The following ADCY2 variants were observed in gnomAD, a reference collection of about 807,000 sequenced individuals.
ADCY2 encodes adenylate cyclase type 2.
In ADCY2, 31 loss-of-function variants were observed where a neutral mutation model predicts 125.2. The observed-to-expected ratio is 0.25, with a 90% confidence interval of 0.19 to 0.33. The LOEUF (loss-of-function observed/expected upper bound fraction) is 0.33. Ranked by LOEUF, ADCY2 falls within the 10% of genes least tolerant of loss-of-function variation. The pLI, the probability that ADCY2 is intolerant of heterozygous loss-of-function variation, is 1.00. For missense variants in ADCY2, 904 were observed against 1,418.2 expected, an observed-to-expected ratio of 0.64 and a Z score of 5.82; for synonymous variants, 512 against 548.4, an observed-to-expected ratio of 0.93 and a Z score of 0.93.
At chr5:7,781,677 A>T (rs190708102) in intron 18 of ADCY2, among the ~76,000 whole-genome samples, 1 of 152,342 alleles carries the variant, frequency 6.6e-6, no homozygotes, top group East Asian at 1.9e-4. Context: ...TGTTATTTTA[A>T]GTCACCTAGT....
intron 4 of ADCY2, among the ~76,000 whole-genome samples, chr5:7,631,921 C>T (rs151046178): frequency 2.6e-5 from 4 of 152,252 alleles, no homozygotes; most frequent in East Asian, 1.9e-4. Flanking sequence ...GCCAATGAAA[C>T]GGACCTTACG....
chr5:7,641,432 T>G (rs1481963818), intron 4 of ADCY2, among the ~76,000 whole-genome samples: 2 of 152,182 alleles, frequency 1.3e-5, no homozygotes, highest in Non-Finnish European at 2.9e-5. Context: ...TTTTTTCTCT[T>G]ATTTATGAGT....
intron 2 of ADCY2, among the ~76,000 whole-genome samples, chr5:7,437,771 TTTAA>T (rs1383254352): frequency 2.6e-5 from 4 of 152,068 alleles, no homozygotes; most frequent in Middle Eastern, 3.2e-3. Flanking sequence ...TGAGTTACTT[TTTAA>T]TTAGCACTTT....
chr5:7,657,388 G>GTGTAGA (rs1739376276), intron 4 of ADCY2, among the ~76,000 whole-genome samples: 1 of 151,550 alleles, frequency 6.6e-6, no homozygotes, highest in Non-Finnish European at 1.5e-5. Context: ...TTAGGGCAAT[G>GTGTAGA]TGTAGATTAG....
intron 3 of ADCY2, among the ~76,000 whole-genome samples, chr5:7,537,991 T>C (rs1734873894): frequency 6.6e-6 from 1 of 152,124 alleles, no homozygotes; most frequent in Non-Finnish European, 1.5e-5. Flanking sequence ...CACGAGCCTA[T>C]CCCAGGAGCT....
intron 14 of ADCY2, among the ~76,000 whole-genome samples, chr5:7,740,447 G>A (rs1264973365): frequency 6.6e-6 from 1 of 151,952 alleles, no homozygotes; most frequent in Non-Finnish European, 1.5e-5. Flanking sequence ...CAGCCCATTA[G>A]GGATTTGACT....
intron 2 of ADCY2, among the ~76,000 whole-genome samples, chr5:7,504,101 A>G (rs1743707751): frequency 6.6e-6 from 1 of 152,144 alleles, no homozygotes; most frequent in Non-Finnish European, 1.5e-5. Flanking sequence ...GGGATTGAGA[A>G]AAACATCTGG....
intron 13 of ADCY2, among the ~76,000 whole-genome samples, chr5:7,726,422 C>T (rs1741933738): frequency 6.6e-6 from 1 of 152,162 alleles, no homozygotes; most frequent in African/African-American, 2.4e-5. Flanking sequence ...ATGCAGGGCA[C>T]TGTGCTGAAT....
rs74486706 is a variant in ADCY2, at chr5:7,757,269, T to C, written c.1957-180T>C. Among the ~76,000 whole-genome samples, 1,388 of 152,314 alleles carry C rather than the reference T, an allele frequency of 9.1e-3. 17 individuals carry two copies. Among genetic ancestry groups the C allele is most frequent in the African/African-American group, 0.032 (1,333 of 41,556 alleles). On this transcript the variant is annotated intron_variant, in intron 15 of 24. Coordinates refer to ENST00000338316, the MANE Select transcript of ADCY2 (RefSeq NM_020546.3). ...ATTTGTTCTCAATTGGTAGCAATGA[T>C]GCCAACATAATTTTAATAAGGTTTG...
chr5:7,512,452 G>A (rs2126521360), intron 2 of ADCY2, among the ~76,000 whole-genome samples: 1 of 152,140 alleles, frequency 6.6e-6, no homozygotes, highest in Non-Finnish European at 1.5e-5. Context: ...GGCTCTGGAT[G>A]TTTTTGTAGG....
At chr5:7,447,748 C>T (rs1741324535) in intron 2 of ADCY2, among the ~76,000 whole-genome samples, 1 of 152,070 alleles carries the variant, frequency 6.6e-6, no homozygotes, top group Admixed American at 6.6e-5. Flanking sequence ...GCTTCCAGGG[C>T]CAAAGGTGGA....
chr5:7,430,529 T>TATATACTATATATATATAGTATATTG lies in ADCY2; in HGVS notation c.408+15776_408+15801dup, dbSNP rs1298881759. Among the ~76,000 whole-genome samples, 802 of 145,478 alleles carry TATATACTATATATATATAGTATATTG rather than the reference T, an allele frequency of 5.5e-3. 12 individuals are homozygous for TATATACTATATATATATAGTATATTG. Among genetic ancestry groups the TATATACTATATATATATAGTATATTG allele is most frequent in the African/African-American group, 0.02 (751 of 38,322 alleles). ...ATATGTTCATGTGTGTATGTATATA[T>TATATACTATATATATATAGTATATTG]ATATACTATATATATATAGTATATT... On this transcript the variant is annotated intron_variant, in intron 2 of 24. Coordinates refer to ENST00000338316, the MANE Select transcript of ADCY2 (RefSeq NM_020546.3).
intron 3 of ADCY2, among the ~76,000 whole-genome samples, chr5:7,589,511 A>AGAAAG (rs1554022175): frequency 4.3e-4 from 48 of 110,470 alleles, no homozygotes; most frequent in Admixed American, 1.1e-3. Context: ...AGAAAGAAAG[A>AGAAAG]AAAGAAAAGA....
At chr5:7,492,682 A>C (rs928338090) in intron 2 of ADCY2, among the ~76,000 whole-genome samples, 1 of 151,598 alleles carries the variant, frequency 6.6e-6, no homozygotes, top group African/African-American at 2.4e-5. Context: ...CTGAGAGGAG[A>C]AAAAGGCCAG....
chr5:7,717,505 G>A (rs968499934), intron 12 of ADCY2, among the ~76,000 whole-genome samples: 2 of 152,310 alleles, frequency 1.3e-5, no homozygotes, highest in South Asian at 2.1e-4. Context: ...ATTACAGCAC[G>A]ATGTGTTCAG....
chr5:7,610,227 T>C (rs1737531528), intron 3 of ADCY2, among the ~76,000 whole-genome samples: 1 of 152,090 alleles, frequency 6.6e-6, no homozygotes, highest in African/African-American at 2.4e-5. Context: ...AAGGGAGAAC[T>C]TGGGGGAATT....
At chr5:7,536,510 G>C (rs1468105547) in intron 3 of ADCY2, among the ~76,000 whole-genome samples, 1 of 152,154 alleles carries the variant, frequency 6.6e-6, no homozygotes, top group African/African-American at 2.4e-5. Flanking sequence ...TTGATTGATT[G>C]CCTCCCTTGA....
chr5:7,695,728 T>G, intron 5 of ADCY2, 24 bp from the exon 6 acceptor site: 2 of 1,468,044 alleles, frequency 1.4e-6, no homozygotes, highest in Non-Finnish European at 1.9e-6. Context: ...AAACTCTGTC[T>G]CCTCACCTCC....
chr5:7,785,998 T>C (rs1744073243), intron 19 of ADCY2, among the ~76,000 whole-genome samples: 1 of 152,194 alleles, frequency 6.6e-6, no homozygotes. Context: ...TGAGCACCAA[T>C]TTTACACAAT....
Sources: gnomAD v4.1 joint callset for allele counts (sites outside exome capture counted in the v4.1 genomes callset) on GRCh38, gnomAD v4.1.1 for gene constraint, MANE v1.5 for transcripts, NCBI Gene and HGNC (gene_info 2026-07-23, HGNC 2026-07-21) for gene names.